CD84: variants seen among roughly 807,000 people sequenced by gnomAD.
CD84 encodes SLAM family member 5.
Under a neutral mutation model 33.8 loss-of-function variants are expected in CD84, and 22 were observed. That is an observed-to-expected ratio of 0.65 (90% CI 0.46 to 0.93). CD84 has a LOEUF of 0.93. Among genes scored for constraint, CD84 ranks in the 40% least tolerant of loss-of-function variants. The probability of loss-of-function intolerance (pLI) is 0.00; values close to 1 mark genes in which losing one functional copy is unlikely to be tolerated. For synonymous variants in CD84, 154 were observed against 145.2 expected (o/e 1.06, Z -0.44); for missense variants, 400 against 397.6 (o/e 1.01, Z -0.05).
Position 160,553,428 on chromosome 1 carries a change from A to G in CD84, c.710T>C (p.Val237Ala), listed in dbSNP as rs1656376669. The change falls in exon 4 of 7, where the codon GTT becomes GCT. Residue 237 changes from valine (V) to alanine (A), a missense_variant. Coordinates refer to ENST00000368054, the MANE Select transcript of CD84 (RefSeq NM_003874.4). Reference sequence around the variant, plus strand: ...CAAAAACACTGAAGACAGAATGAGAACAAGCAGAAAGAACATAGCCAGCAC... The same window carrying G: ...CAAAAACACTGAAGACAGAATGAGAGCAAGCAGAAAGAACATAGCCAGCAC... ...LSVLAMFFLL[V>A]LILSSVFLFR... 6.2e-7 allele frequency: 1 copy of G among 1,613,990 alleles called. No homozygotes were observed. The highest frequency in any genetic ancestry group is 1.1e-5 in the South Asian group (1 of 91,076).
At position 160,549,934 on chromosome 1, in the gene CD84, C is replaced by T. The variant is rs141238057; in HGVS notation, c.904G>A (p.Val302Met). The T allele has an allele frequency of 1.6e-5, 26 of 1,612,916 alleles. No individual in the cohort carries two copies. In the African/African-American group the frequency reaches 3.2e-4, roughly 20 times the overall value. ...EEPVNTVYSE[V>M]QFADKMGKAS... The stretch of plus-strand genomic sequence containing the variant: ...GGGGTTACCTTATCAGCAAACTGCA[C>T]TTCGGAATAAACTGTGTTCACTGGC... The change falls in exon 6 of 7, where the codon GTG becomes ATG. Residue 302 changes from valine to methionine, a missense_variant. Transcript: ENST00000368054.
At position 160,565,593 on chromosome 1, in the gene CD84, C is replaced by T. The variant is rs764308308; in HGVS notation, c.199G>A (p.Asp67Asn). The change falls in exon 2 of 7, where the codon GAC (aspartate) becomes AAC (asparagine). Residue 67 changes from aspartate to asparagine, a missense_variant. Physicochemically the swap from Asp to Asn is conservative, Grantham distance 23 (BLOSUM62 1). Coordinates refer to ENST00000368054, the MANE Select transcript of CD84 (RefSeq NM_003874.4). ...GTAACTACGGGTGCTGTTTCTGAGT[C>T]TCCTGGTGTTACATAAGCAACAGAT... is the stretch of plus-strand genomic sequence containing the variant. The part of the protein sequence containing the change: ...KTSVAYVTPG[D>N]SETAPVVTVT... 6.2e-7 allele frequency: 1 copy of T among 1,614,002 alleles called. No homozygotes were observed.
At chr1:160,574,874 G>T (rs1297101145) in intron 1 of CD84, among the ~76,000 whole-genome samples, 2 of 152,084 alleles carry the variant, frequency 1.3e-5, no homozygotes, top group Non-Finnish European at 2.9e-5. Context: ...TTAGAATAGT[G>T]CCTGGCATAT....
chr1:160,542,726 C>T lies in CD84; in HGVS notation c.*5530G>A, dbSNP rs1655605305. The T allele has an allele frequency of 6.6e-6, 1 of 152,158 alleles. No individual in the cohort carries two copies. Among genetic ancestry groups the T allele is most frequent in the South Asian group, 2.1e-4 (1 of 4,828 alleles). 9.4% of individuals were successfully genotyped at this position (152,158 alleles called of 1,614,324 possible). On this transcript the variant is annotated 3_prime_UTR_variant, in exon 7 of 7. Transcript: ENST00000368054. ...AACAGTTAATAATTATCATCCATTC[C>T]TTTATGAATTCCCAAAGTCTGCAAG...
chr1:160,547,632 A>G lies in CD84; in HGVS notation c.*624T>C, dbSNP rs1373316433. On this transcript the variant is annotated 3_prime_UTR_variant, in exon 7 of 7. Coordinates refer to ENST00000368054, the MANE Select transcript of CD84 (RefSeq NM_003874.4). ...TTATGCCCTGCACAAAGATTCCCAG[A>G]CAAAGGGATGAGTGTGCTTATATGC... 1 of 160,190 alleles carries G rather than the reference A, an allele frequency of 6.2e-6. No homozygotes were observed. The highest frequency in any genetic ancestry group is 1.4e-5 in the Non-Finnish European group (1 of 73,690). The allele number at this position is 160,190 out of a possible 1,614,324, so 9.9% of individuals were successfully genotyped here.
intron 2 of CD84, among the ~76,000 whole-genome samples, chr1:160,555,636 A>T (rs570541712): frequency 6.6e-6 from 1 of 152,286 alleles, no homozygotes; most frequent in Non-Finnish European, 1.5e-5. Flanking sequence ...TTTTACCAGG[A>T]ATAAGAAAAT....
Position 160,555,952 on chromosome 1 carries a change from G to C in CD84, c.389-1806C>G, listed in dbSNP as rs1403365088. Reference sequence around the variant, plus strand: ...TCCATATTAGAATTAGTGAAGACTTGGAATAAACCCAAAACAAGTTTGGGG... The same window carrying C: ...TCCATATTAGAATTAGTGAAGACTTCGAATAAACCCAAAACAAGTTTGGGG... On this transcript the variant is annotated intron_variant, in intron 2 of 6. Transcript: ENST00000368054. 2.0e-5 allele frequency among the ~76,000 whole-genome samples: 3 copies of C among 152,094 alleles called. No individual in the cohort carries two copies. The East Asian group carries it at 5.8e-4, about 29-fold the overall frequency.
intron 2 of CD84, among the ~76,000 whole-genome samples, chr1:160,564,651 AC>A (rs1194471168): frequency 6.6e-6 from 1 of 152,244 alleles, no homozygotes; most frequent in East Asian, 1.9e-4. Flanking sequence ...AGTGAAAAAT[AC>A]CCAACCTCAA....
At chr1:160,578,116 C>G (rs1194444508) in intron 1 of CD84, among the ~76,000 whole-genome samples, 1 of 152,156 alleles carries the variant, frequency 6.6e-6, no homozygotes, top group Non-Finnish European at 1.5e-5. Flanking sequence ...AGTGAAATTT[C>G]AGGTGAATTT....
At chr1:160,550,755 C>T (rs1656156709) in intron 5 of CD84, 183 bp downstream of exon 5, 3 of 985,212 alleles carry the variant, frequency 3.0e-6, no homozygotes, top group South Asian at 9.4e-5. Flanking sequence ...CAATGGGTCA[C>T]GTTCCTGTCC....
At chr1:160,572,523 A>G (rs983718544) in intron 1 of CD84, among the ~76,000 whole-genome samples, 4 of 152,168 alleles carry the variant, frequency 2.6e-5, no homozygotes, top group Admixed American at 2.6e-4. Flanking sequence ...CACTTAGCAC[A>G]ATGCCTGGCA....
chr1:160,558,947 G>A (rs1656777405), intron 2 of CD84, among the ~76,000 whole-genome samples: 1 of 152,096 alleles, frequency 6.6e-6, no homozygotes, highest in Non-Finnish European at 1.5e-5. Flanking sequence ...GAATGAAAAG[G>A]AATGAATGAA....
In CD84 at chr1:160,546,308, C is replaced by T. The variant is rs1201163720; in HGVS notation, c.*1948G>A. On this transcript the variant is annotated 3_prime_UTR_variant, in exon 7 of 7. Transcript: ENST00000368054. ...AGCCGGCTTCCGTTTATCTGTAATT[C>T]CCACATGTACAATGTAGTGAGGAAA... 1.3e-5 allele frequency: 2 copies of T among 152,204 alleles called. No homozygotes were observed. Among genetic ancestry groups the T allele is most frequent in the Non-Finnish European group, 1.5e-5 (1 of 68,070 alleles). The allele number at this position is 152,204 out of a possible 1,614,324, so 9.4% of individuals were successfully genotyped here.
chr1:160,553,285 A>G, intron 4 of CD84, 93 bp downstream of exon 4: 1 of 1,605,664 alleles, frequency 6.2e-7, no homozygotes, highest in East Asian at 2.2e-5. Flanking sequence ...TCCCTGGAAC[A>G]ATGGGCCTTT....
In CD84 at chr1:160,548,034, T is replaced by C; in HGVS notation, c.*222A>G. 1 of 573,238 alleles carries C rather than the reference T, an allele frequency of 1.7e-6. No individual in the cohort carries two copies. Among genetic ancestry groups the C allele is most frequent in the Non-Finnish European group, 3.1e-6 (1 of 319,148 alleles). 35.5% of individuals were successfully genotyped at this position (573,238 alleles called of 1,614,324 possible). On this transcript the variant is annotated 3_prime_UTR_variant, in exon 7 of 7. Coordinates refer to ENST00000368054, the MANE Select transcript of CD84 (RefSeq NM_003874.4). ...AAACTATACTAGGTAACCTGCTTTGTCATTCATTCAGAAGGGAGTCATTTC... is the reference window on the plus strand; with the variant it reads ...AAACTATACTAGGTAACCTGCTTTGCCATTCATTCAGAAGGGAGTCATTTC...
intron 4 of CD84, 23 bp from the exon 5 acceptor site, chr1:160,551,058 C>G (rs1157283701): frequency 6.4e-7 from 1 of 1,556,846 alleles, no homozygotes; most frequent in Non-Finnish European, 8.9e-7. Context: ...TAAATATAGA[C>G]CCACAGTCTG....
intron 1 of CD84, among the ~76,000 whole-genome samples, chr1:160,568,237 C>T (rs1011965865): frequency 6.6e-6 from 1 of 151,958 alleles, no homozygotes; most frequent in African/African-American, 2.4e-5. Flanking sequence ...ATATTAGGGC[C>T]GTTGAGCAGC....
At chr1:160,565,103 T>C (rs1313503349) in intron 2 of CD84, among the ~76,000 whole-genome samples, 1 of 152,154 alleles carries the variant, frequency 6.6e-6, no homozygotes, top group Non-Finnish European at 1.5e-5. Flanking sequence ...GCATACACTA[T>C]CTCATTTGAT....
At chr1:160,568,371 T>C (rs1657456917) in intron 1 of CD84, among the ~76,000 whole-genome samples, 1 of 151,870 alleles carries the variant, frequency 6.6e-6, no homozygotes, top group Non-Finnish European at 1.5e-5. Flanking sequence ...TAGGCAAAGC[T>C]GGGGGAAGCT....
Sources: gnomAD v4.1 joint callset for allele counts (sites outside exome capture counted in the v4.1 genomes callset) on GRCh38, gnomAD v4.1.1 for gene constraint, MANE v1.5 for transcripts, NCBI Gene and HGNC (gene_info 2026-07-23, HGNC 2026-07-21) for gene names.